Variants in TRPM3 observed in about 807,000 individuals in gnomAD.
The protein encoded by TRPM3 is long transient receptor potential channel 3.
Under a neutral mutation model 181.2 loss-of-function variants are expected in TRPM3, and 77 were observed. The observed-to-expected ratio is 0.42, with a 90% confidence interval of 0.35 to 0.51. The LOEUF (loss-of-function observed/expected upper bound fraction) is 0.51. TRPM3 is among the 20% of genes least tolerant of loss of function. The pLI is 0.01. For missense variants in TRPM3, 1,759 were observed against 2,196.7 expected (o/e 0.80, Z 3.98); for synonymous variants, 745 against 796.4 (o/e 0.94, Z 1.09).
chr9:70,875,245 C>A (rs1009896109), intron 1 of TRPM3, among the ~76,000 whole-genome samples: 5 of 151,842 alleles, frequency 3.3e-5, no homozygotes, highest in Admixed American at 6.6e-5. Flanking sequence ...AAGGTCAGCC[C>A]CAATTCCTAG....
intron 6 of TRPM3, among the ~76,000 whole-genome samples, chr9:70,804,251 A>G (rs1242216767): frequency 1.3e-5 from 2 of 152,068 alleles, no homozygotes; most frequent in African/African-American, 4.8e-5. Context: ...AATCCCTTGA[A>G]CTCAGGAGGC....
At chr9:71,190,996 A>T (rs375612554) in intron 1 of TRPM3, among the ~76,000 whole-genome samples, 4 of 151,840 alleles carry the variant, frequency 2.6e-5, no homozygotes, top group East Asian at 3.9e-4. Context: ...TTACTATATA[A>T]ACACCAGACA....
chr9:70,846,802 T>C (rs2094975090), intron 3 of TRPM3, among the ~76,000 whole-genome samples: 1 of 152,236 alleles, frequency 6.6e-6, no homozygotes, highest in Non-Finnish European at 1.5e-5. Flanking sequence ...ATTATGATAA[T>C]TCATTCTGAA....
Position 70,537,098 on chromosome 9 carries a change from A to G in TRPM3, c.4015T>C (p.Ser1339Pro). ...PAGEETMSPTSPTLMPRMRSH... is the reference protein window; with the variant it reads ...PAGEETMSPTPPTLMPRMRSH... ...CGCATACGGGGCATTAAGGTTGGAG[A>G]AGTTGGGGACATGGTCTCCTCACCT... is the stretch of plus-strand genomic sequence containing the variant. Residue 1339 changes from serine (S) to proline (P), a missense_variant, in exon 26 of 26, where the codon TCT (serine) becomes CCT (proline). This residue lies in a region of TRPM3 where 612 missense variants were observed against 590.0 expected (regional missense o/e 1.04). Coordinates refer to ENST00000677713, the MANE Select transcript of TRPM3 (RefSeq NM_001366145.2). 1 of 1,609,658 alleles carries G rather than the reference A, an allele frequency of 6.2e-7. No homozygotes were observed. The highest frequency in any genetic ancestry group is 8.5e-7 in the Non-Finnish European group (1 of 1,176,194).
At chr9:71,123,618 C>G (rs2073860807), upstream of TRPM3, among the ~76,000 whole-genome samples, 2 of 152,160 alleles carry the variant, frequency 1.3e-5, no homozygotes, top group South Asian at 4.1e-4. Context: ...GTAATGAAGT[C>G]AAGCAAGACA....
rs1169666803 is a variant in TRPM3 at position 71,247,200 on chromosome 9, A to G, written c.183+199453T>C. ...GAAATACTGTCTGTACTAAAAATAC[A>G]TTAATTAGCTGGGCGTGGTGGCACA... On this transcript the variant is annotated intron_variant, in intron 1 of 24. Transcript: ENST00000357533. Among the ~76,000 whole-genome samples, 4 of 152,010 alleles carry G rather than the reference A, an allele frequency of 2.6e-5. No homozygotes were observed. In the East Asian group the frequency reaches 7.7e-4, roughly 29 times the overall value.
At chr9:71,412,499 A>C (rs1156866055) in intron 1 of TRPM3, among the ~76,000 whole-genome samples, 1 of 152,240 alleles carries the variant, frequency 6.6e-6, no homozygotes, top group African/African-American at 2.4e-5. Flanking sequence ...CACATGAAAA[A>C]ATGCTCATCA....
At chr9:70,865,030 C>G (rs538142239) in intron 1 of TRPM3, among the ~76,000 whole-genome samples, 3 of 122,466 alleles carry the variant, frequency 2.4e-5, no homozygotes, top group Non-Finnish European at 4.8e-5. Context: ...ATTAACAGTG[C>G]TAAGTACAGG....
At chr9:71,338,590 C>A (rs1445981320) in intron 1 of TRPM3, among the ~76,000 whole-genome samples, 1 of 151,806 alleles carries the variant, frequency 6.6e-6, no homozygotes, top group Non-Finnish European at 1.5e-5. Context: ...ATGGGGATCT[C>A]AGAAGAGATA....
intron 5 of TRPM3, among the ~76,000 whole-genome samples, chr9:70,836,727 C>T (rs995285422): frequency 1.3e-5 from 2 of 152,092 alleles, no homozygotes; most frequent in Admixed American, 6.6e-5. Flanking sequence ...ATGAGGATCC[C>T]GGGGTAAGCC....
intron 8 of TRPM3, among the ~76,000 whole-genome samples, chr9:70,751,084 A>G (rs2076060898): frequency 6.6e-6 from 1 of 152,198 alleles, no homozygotes; most frequent in African/African-American, 2.4e-5. Flanking sequence ...CAGGGTAATT[A>G]GCACAGAATA....
intron 8 of TRPM3, among the ~76,000 whole-genome samples, chr9:70,696,169 C>T (rs2070349448): frequency 6.6e-6 from 1 of 152,218 alleles, no homozygotes; most frequent in Non-Finnish European, 1.5e-5. Flanking sequence ...GCATTTTGGG[C>T]ACCCAATGAA....
intron 9 of TRPM3, among the ~76,000 whole-genome samples, chr9:70,652,938 G>A (rs1425262426): frequency 1.3e-5 from 2 of 152,164 alleles, no homozygotes; most frequent in Non-Finnish European, 2.9e-5. Flanking sequence ...GAGTTTGCTG[G>A]TTAAGAGGAG....
chr9:70,648,043 G>A (rs2059129057), intron 9 of TRPM3, among the ~76,000 whole-genome samples: 1 of 152,240 alleles, frequency 6.6e-6, no homozygotes, highest in South Asian at 2.1e-4. Flanking sequence ...AGTAATCAGA[G>A]ACAACATAAA....
chr9:71,106,148 G>A (rs1202345186), intron 1 of TRPM3, among the ~76,000 whole-genome samples: 4 of 152,064 alleles, frequency 2.6e-5, no homozygotes, highest in African/African-American at 9.7e-5. Context: ...GCAGCTATCC[G>A]GAATTCATCT....
chr9:71,329,485 G>A (rs1013419689), intron 1 of TRPM3, among the ~76,000 whole-genome samples: 9 of 152,122 alleles, frequency 5.9e-5, no homozygotes, highest in Non-Finnish European at 8.8e-5. Context: ...AAAGTTCAAA[G>A]GGGCCATAAA....
At chr9:70,915,025 T>C (rs1043738550) in intron 1 of TRPM3, among the ~76,000 whole-genome samples, 1 of 152,164 alleles carries the variant, frequency 6.6e-6, no homozygotes, top group South Asian at 2.1e-4. Flanking sequence ...AATAAATACC[T>C]ACCTCTTCAA....
intron 1 of TRPM3, among the ~76,000 whole-genome samples, chr9:70,989,741 A>G (rs1271265251): frequency 6.6e-6 from 1 of 152,168 alleles, no homozygotes; most frequent in Non-Finnish European, 1.5e-5. Flanking sequence ...CATCCTAATT[A>G]TATCTTCTAA....
chr9:70,588,539 A>C (rs1450029251), intron 22 of TRPM3, among the ~76,000 whole-genome samples: 1 of 151,718 alleles, frequency 6.6e-6, no homozygotes, highest in Non-Finnish European at 1.5e-5. Context: ...GGTGTGTTTG[A>C]ATGAGCAGCA....
Sources: gnomAD v4.1 joint callset for allele counts (sites outside exome capture counted in the v4.1 genomes callset) on GRCh38, gnomAD v4.1.1 for gene constraint, gnomAD v4.1.1 regional missense constraint, MANE v1.5 for transcripts, NCBI Gene and HGNC (gene_info 2026-07-23, HGNC 2026-07-21) for gene names.